LRRC4C: variants seen among roughly 807,000 people sequenced by gnomAD.
The protein encoded by LRRC4C is leucine-rich repeat-containing protein 4C.
A neutral mutation model predicts 33.6 loss-of-function variants in LRRC4C; 5 were observed. That is an observed-to-expected ratio of 0.15 (90% CI 0.08 to 0.31). The LOEUF (loss-of-function observed/expected upper bound fraction) is 0.31. LRRC4C is among the 10% of genes least tolerant of loss of function. The pLI is 1.00. For synonymous variants in LRRC4C, 329 were observed against 302.0 expected, an observed-to-expected ratio of 1.09 and a Z score of -0.93; for missense variants, 560 against 796.7, an observed-to-expected ratio of 0.70 and a Z score of 3.58.
chr11:40,593,565 A>G (rs1433554528), intron 3 of LRRC4C, among the ~76,000 whole-genome samples: 1 of 152,212 alleles, frequency 6.6e-6, no homozygotes, highest in Non-Finnish European at 1.5e-5. Context: ...GGATGTAGTG[A>G]GAATTGTACT....
chr11:40,987,170 A>G (rs956104370), intron 1 of LRRC4C, among the ~76,000 whole-genome samples: 4 of 152,160 alleles, frequency 2.6e-5, no homozygotes, highest in African/African-American at 9.7e-5. Flanking sequence ...CTTTGGTACA[A>G]GTGGGATTCC....
At chr11:40,992,998 G>A (rs1279582219) in intron 1 of LRRC4C, among the ~76,000 whole-genome samples, 1 of 152,074 alleles carries the variant, frequency 6.6e-6, no homozygotes. Flanking sequence ...TGTCCTAACT[G>A]CTCACAAACG....
intron 1 of LRRC4C, among the ~76,000 whole-genome samples, chr11:41,174,559 T>G (rs1357427199): frequency 6.6e-6 from 1 of 152,140 alleles, no homozygotes; most frequent in African/African-American, 2.4e-5. Flanking sequence ...GGATTTTTTT[T>G]TAAATTCTGC....
At chr11:40,211,910 G>A (rs1863631544) in intron 5 of LRRC4C, among the ~76,000 whole-genome samples, 1 of 152,082 alleles carries the variant, frequency 6.6e-6, no homozygotes, top group Admixed American at 6.6e-5. Context: ...TAGAATGTTG[G>A]GACAGAGAGA....
intron 3 of LRRC4C, among the ~76,000 whole-genome samples, chr11:40,511,981 G>C (rs931396354): frequency 2.0e-5 from 3 of 151,996 alleles, no homozygotes; most frequent in African/African-American, 7.3e-5. Flanking sequence ...TTTAGAGAAT[G>C]ATACTTCGTT....
intron 2 of LRRC4C, among the ~76,000 whole-genome samples, chr11:40,911,219 T>C (rs952909604): frequency 6.6e-6 from 1 of 152,170 alleles, no homozygotes; most frequent in Non-Finnish European, 1.5e-5. Context: ...AGCACGCAGC[T>C]TGAGATCTGA....
At chr11:40,588,744 C>T (rs879858929) in intron 3 of LRRC4C, among the ~76,000 whole-genome samples, 5 of 152,110 alleles carry the variant, frequency 3.3e-5, no homozygotes, top group African/African-American at 7.2e-5. Flanking sequence ...ACCCAGTAGT[C>T]GTTCAGGAGC....
In LRRC4C at chr11:40,812,269, C is replaced by T. The variant is rs182730965; in HGVS notation, c.-407+121366G>A. Among the ~76,000 whole-genome samples the T allele has an allele frequency of 4.7e-4, 71 of 152,206 alleles. 1 individual carries two copies. Among genetic ancestry groups the T allele is most frequent in the African/African-American group, 1.7e-3 (71 of 41,524 alleles). ...AATCACATATAACTAGGTTTCCATCCTGATTTAGCAACTCTCACTTGTTAT... is the reference window on the plus strand; with the variant it reads ...AATCACATATAACTAGGTTTCCATCTTGATTTAGCAACTCTCACTTGTTAT... On this transcript the variant is annotated intron_variant, in intron 2 of 6. Transcript: ENST00000528697.
chr11:41,269,607 C>T (rs532335207), intron 1 of LRRC4C, among the ~76,000 whole-genome samples: 5 of 152,152 alleles, frequency 3.3e-5, no homozygotes, highest in African/African-American at 7.2e-5. Context: ...GAAGATGACA[C>T]GGTCGATTGT....
In LRRC4C at chr11:40,898,353, C is replaced by CAAAAAAAAAAAAAAAAAAAA. The variant is rs765252333; in HGVS notation, c.-407+35281_-407+35282insTTTTTTTTTTTTTTTTTTTT. The stretch of plus-strand genomic sequence containing the variant: ...GGGCAACAAGAGTGAAACTCCATCT[C>CAAAAAAAAAAAAAAAAAAAA]AAAAAAAAAAAAAAAAAAAGAAAAA... On this transcript the variant is annotated intron_variant, in intron 2 of 6. Coordinates refer to ENST00000528697, the MANE Select transcript of LRRC4C (RefSeq NM_001258419.2). Among the ~76,000 whole-genome samples the CAAAAAAAAAAAAAAAAAAAA allele has an allele frequency of 1.7e-3, 66 of 38,322 alleles. 5 individuals are homozygous for CAAAAAAAAAAAAAAAAAAAA. Among genetic ancestry groups the CAAAAAAAAAAAAAAAAAAAA allele is most frequent in the African/African-American group, 5.0e-3 (48 of 9,584 alleles). 25.1% of individuals were successfully genotyped at this position (38,322 alleles called of 152,430 possible).
intron 3 of LRRC4C, among the ~76,000 whole-genome samples, chr11:40,496,606 G>T (rs1019590405): frequency 1.3e-5 from 2 of 152,010 alleles, no homozygotes; most frequent in East Asian, 3.9e-4. Flanking sequence ...AGAAGCAAAA[G>T]GATCCCAATT....
At chr11:40,393,723 G>T (rs776111809) in intron 3 of LRRC4C, among the ~76,000 whole-genome samples, 7 of 152,098 alleles carry the variant, frequency 4.6e-5, no homozygotes, top group Non-Finnish European at 1.0e-4. Flanking sequence ...GGATGCAATG[G>T]TCCTTTAATG....
chr11:41,215,213 A>T (rs999441962), intron 1 of LRRC4C, among the ~76,000 whole-genome samples: 3 of 151,624 alleles, frequency 2.0e-5, no homozygotes, highest in Non-Finnish European at 4.4e-5. Flanking sequence ...ACTGGCCAGG[A>T]GTAGTGGCTC....
At chr11:40,578,655 C>T (rs908618642) in intron 3 of LRRC4C, among the ~76,000 whole-genome samples, 1 of 152,122 alleles carries the variant, frequency 6.6e-6, no homozygotes, top group Non-Finnish European at 1.5e-5. Context: ...GAGATACTAA[C>T]TGGAACACAG....
rs143468793 is a variant in LRRC4C at position 41,172,602 on chromosome 11, C to T, written c.-495-238879G>A. 8.7e-4 allele frequency among the ~76,000 whole-genome samples: 132 copies of T among 152,274 alleles called. 1 individual carries two copies. Among genetic ancestry groups the T allele is most frequent in the African/African-American group, 3.1e-3 (129 of 41,574 alleles). On this transcript the variant is annotated intron_variant, in intron 1 of 6. Coordinates refer to ENST00000528697, the MANE Select transcript of LRRC4C (RefSeq NM_001258419.2). ...CTTGTAATTTTATTATTTCTCAGCT[C>T]TTACACCATTAATTTTTCATTCATG...
intron 1 of LRRC4C, among the ~76,000 whole-genome samples, chr11:41,241,039 C>T (rs1948229388): frequency 6.6e-6 from 1 of 152,120 alleles, no homozygotes; most frequent in Admixed American, 6.5e-5. Flanking sequence ...CCTTGCTTTA[C>T]AAACTATGGT....
intron 1 of LRRC4C, among the ~76,000 whole-genome samples, chr11:41,196,397 G>A (rs964747567): frequency 6.6e-6 from 1 of 152,014 alleles, no homozygotes; most frequent in Non-Finnish European, 1.5e-5. Context: ...ATCAACATAA[G>A]AGTAATGTGA....
intron 3 of LRRC4C, among the ~76,000 whole-genome samples, chr11:40,450,441 T>C (rs1425122027): frequency 6.6e-6 from 1 of 152,114 alleles, no homozygotes; most frequent in Non-Finnish European, 1.5e-5. Flanking sequence ...ATTTATTATA[T>C]TATTTTTGAT....
At chr11:40,148,625 G>A (rs368237544) in intron 5 of LRRC4C, among the ~76,000 whole-genome samples, 12 of 152,110 alleles carry the variant, frequency 7.9e-5, no homozygotes, top group African/African-American at 2.4e-4. Context: ...CTTCCATTCT[G>A]GGGGTTGTCT....
Sources: gnomAD v4.1 joint callset for allele counts (sites outside exome capture counted in the v4.1 genomes callset) on GRCh38, gnomAD v4.1.1 for gene constraint, MANE v1.5 for transcripts, NCBI Gene and HGNC (gene_info 2026-07-23, HGNC 2026-07-21) for gene names.